The following RYR3 variants were observed in gnomAD, a reference collection of about 807,000 sequenced individuals.
RYR3 encodes the protein brain ryanodine receptor-calcium release channel.
RYR3 carries 207 observed loss-of-function variants against 584.3 expected under a neutral mutation model. The observed-to-expected ratio is 0.35, with a 90% CI of 0.32 to 0.40. The LOEUF (loss-of-function observed/expected upper bound fraction) is 0.40, where lower values mean the gene tolerates loss of function less well. Among genes scored for constraint, RYR3 ranks in the 10% least tolerant of loss-of-function variants. The probability of loss-of-function intolerance (pLI) is 1.00; values close to 1 mark genes in which losing one functional copy is unlikely to be tolerated. For synonymous variants in RYR3, 2,416 were observed against 2,248.5 expected (o/e 1.07, Z -2.11); for missense variants, 5,616 against 6,089.2 (o/e 0.92, Z 2.59).
At chr15:33,323,317 C>T (rs1969250005) in intron 1 of RYR3, among the ~76,000 whole-genome samples, 1 of 152,038 alleles carries the variant, frequency 6.6e-6, no homozygotes, top group Non-Finnish European at 1.5e-5. Flanking sequence ...ACCATGTTGG[C>T]CAGGATGGTC....
intron 32 of RYR3, among the ~76,000 whole-genome samples, chr15:33,653,366 A>T (rs2062609344): frequency 6.6e-6 from 1 of 152,186 alleles, no homozygotes; most frequent in Non-Finnish European, 1.5e-5. Context: ...CTACCTCATA[A>T]GATGCTTTAA....
intron 1 of RYR3, among the ~76,000 whole-genome samples, chr15:33,453,062 GGTTTTT>G (rs1301926556): frequency 1.1e-4 from 17 of 151,878 alleles, no homozygotes; most frequent in Non-Finnish European, 2.2e-4. Flanking sequence ...TTGAAACTAG[GGTTTTT>G]TTCCTTAGGG....
intron 94 of RYR3, chr15:33,852,070 G>GTTATTCT (rs1218859828): frequency 1.3e-5 from 2 of 151,892 alleles, no homozygotes; most frequent in African/African-American, 4.8e-5. Flanking sequence ...GGCATGAGAG[G>GTTATTCT]TCAGTGAATA....
chr15:33,353,245 A>G (rs1490529863), intron 1 of RYR3, among the ~76,000 whole-genome samples: 3 of 152,210 alleles, frequency 2.0e-5, no homozygotes, highest in African/African-American at 7.2e-5. Flanking sequence ...CTATATGCCA[A>G]GGAAAGTAAC....
intron 16 of RYR3, among the ~76,000 whole-genome samples, chr15:33,601,122 A>G (rs2059639477): frequency 1.3e-5 from 2 of 152,244 alleles, no homozygotes; most frequent in Middle Eastern, 6.8e-3. Context: ...ACAGCCTCTT[A>G]CTTACTGTAA....
chr15:33,792,616 G>A (rs1439702439), intron 67 of RYR3, among the ~76,000 whole-genome samples: 1 of 152,030 alleles, frequency 6.6e-6, no homozygotes, highest in Non-Finnish European at 1.5e-5. Flanking sequence ...AATTTTTAAT[G>A]TAATTCACTC....
chr15:33,375,413 A>G (rs1373252379), intron 1 of RYR3, among the ~76,000 whole-genome samples: 1 of 152,194 alleles, frequency 6.6e-6, no homozygotes, highest in Non-Finnish European at 1.5e-5. Context: ...GGGGAGAGAT[A>G]TGGGGAGGAA....
intron 1 of RYR3, among the ~76,000 whole-genome samples, chr15:33,379,687 C>CTA (rs1555448829): frequency 0.022 from 2,744 of 125,454 alleles, 49 homozygotes; most frequent in African/African-American, 0.029. Context: ...CTCTCTCTCT[C>CTA]TATATATATA....
chr15:33,758,284 C>G (rs1048662506), intron 60 of RYR3, among the ~76,000 whole-genome samples: 3 of 152,080 alleles, frequency 2.0e-5, no homozygotes, highest in African/African-American at 4.8e-5. Context: ...GGAATACCAG[C>G]GAGACAGAAC....
rs949442431 is a variant in RYR3, at chr15:33,324,139, G to A, written c.51+13043G>A. 7.7e-5 allele frequency among the ~76,000 whole-genome samples: 11 copies of A among 143,454 alleles called. No individual in the cohort carries two copies. In the East Asian group the frequency reaches 2.2e-3, roughly 28 times the overall value. 94.1% of individuals were successfully genotyped at this position (143,454 alleles called of 152,430 possible). A position where few individuals can be genotyped will look rare whatever the true frequency, so the allele number is the denominator to read the frequency against. On this transcript the variant is annotated intron_variant, in intron 1 of 103. Transcript: ENST00000634891. ...TTTTGGATTAAGGTTTTATCTCCAA[G>A]GCATTTGCCTTGGATATTGTCTGGG...
intron 2 of RYR3, among the ~76,000 whole-genome samples, chr15:33,491,042 A>G (rs934026779): frequency 4.9e-4 from 74 of 152,308 alleles, no homozygotes; most frequent in Middle Eastern, 3.4e-3. Context: ...TTTTAAAAAA[A>G]TAAACTGCCA....
chr15:33,813,075 G>A, intron 73 of RYR3, 81 bp downstream of exon 73: 1 of 1,551,262 alleles, frequency 6.4e-7, no homozygotes. Context: ...TCAGCATTCA[G>A]GTACAAGTGC....
intron 38 of RYR3, among the ~76,000 whole-genome samples, chr15:33,691,316 A>G (rs2065410919): frequency 6.6e-6 from 1 of 152,230 alleles, no homozygotes. Context: ...AAATCTTGAC[A>G]CATTTCATTA....
At chr15:33,570,539 T>A (rs976350447) in intron 12 of RYR3, among the ~76,000 whole-genome samples, 55 of 152,302 alleles carry the variant, frequency 3.6e-4, no homozygotes, top group African/African-American at 1.3e-3. Flanking sequence ...TTTACTTCTT[T>A]GCAAAATTTA....
At chr15:33,865,025 A>G (rs2153029064) in intron 103 of RYR3, 106 bp from the exon 104 acceptor site, 1 of 769,054 alleles carries the variant, frequency 1.3e-6, no homozygotes, top group East Asian at 2.6e-5. Context: ...GCCTCATATA[A>G]ATTCACATCA....
intron 32 of RYR3, among the ~76,000 whole-genome samples, chr15:33,657,371 C>T (rs540032857): frequency 2.0e-5 from 3 of 152,336 alleles, no homozygotes; most frequent in South Asian, 4.1e-4. Context: ...ATGCATTTCT[C>T]TCTCCCTGTT....
intron 27 of RYR3, among the ~76,000 whole-genome samples, chr15:33,641,918 T>C (rs1172326233): frequency 1.3e-5 from 2 of 152,186 alleles, no homozygotes; most frequent in Non-Finnish European, 2.9e-5. Context: ...TCTGGGGCAT[T>C]CATCCCCTGA....
chr15:33,457,390 C>T (rs958536823), intron 1 of RYR3, among the ~76,000 whole-genome samples: 17 of 152,218 alleles, frequency 1.1e-4, no homozygotes, highest in African/African-American at 2.6e-4. Flanking sequence ...AATGTATATA[C>T]GCAATGGAAT....
chr15:33,574,114 C>T (rs7176795), intron 12 of RYR3, among the ~76,000 whole-genome samples: 27,862 of 152,004 alleles, frequency 0.18, 4,447 homozygotes, highest in African/African-American at 0.44. Flanking sequence ...ACCCAAATAT[C>T]ACACTGATAA....
Sources: allele counts gnomAD v4.1 joint callset (sites outside exome capture counted in the v4.1 genomes callset), GRCh38; gene constraint gnomAD v4.1.1; transcripts MANE v1.5; gene names NCBI Gene and HGNC (gene_info 2026-07-23, HGNC 2026-07-21).